The following CDH15 variants were observed in gnomAD, a reference collection of about 807,000 sequenced individuals.
CDH15 encodes the protein cadherin-15.
In CDH15, 73 loss-of-function variants were observed where a neutral mutation model predicts 69.4. The ratio of observed to expected loss-of-function variants is 1.05; its 90% confidence interval spans 0.87 to 1.28. The LOEUF (loss-of-function observed/expected upper bound fraction) is 1.28. Among genes scored for constraint, CDH15 ranks in the 50% most tolerant of loss-of-function variants. CDH15 has a pLI of 0.00. For synonymous variants in CDH15, 624 were observed against 507.7 expected, an observed-to-expected ratio of 1.23 and a Z score of -3.08; for missense variants, 1,343 against 1,133.6, an observed-to-expected ratio of 1.18 and a Z score of -2.65.
chr16:89,194,042 C>T, intron 13 of CDH15, 129 bp downstream of exon 13: 1 of 1,087,790 alleles, frequency 9.2e-7, no homozygotes, highest in Non-Finnish European at 1.3e-6. Context: ...TCCCAGAGCA[C>T]CGCAGAGGAA....
chr16:89,187,140 G>A (rs1915508773), intron 5 of CDH15, among the ~76,000 whole-genome samples: 1 of 151,738 alleles, frequency 6.6e-6, no homozygotes, highest in Non-Finnish European at 1.5e-5. Flanking sequence ...GTGCAGAGTA[G>A]GTGCTCTGTA....
At chr16:89,188,531 G>A (rs902523205) in intron 7 of CDH15, among the ~76,000 whole-genome samples, 5 of 90,308 alleles carry the variant, frequency 5.5e-5, no homozygotes, top group African/African-American at 4.1e-5. Context: ...CACAGATGCC[G>A]GCACACACAG....
Position 89,187,458 on chromosome 16 carries a change from G to A in CDH15, c.693G>A (p.Gln231=), listed in dbSNP as rs146051428. 4 of 1,613,398 alleles carry A rather than the reference G, an allele frequency of 2.5e-6. No homozygotes were observed. The highest frequency in any genetic ancestry group is 2.7e-5 in the African/African-American group (2 of 74,938). ...EVVAVYNLTL[Q]VADMSGDGLT... ...TCGCGGTGTACAATCTGACCCTGCA[G>A]GTGGCGGACATGTCTGGAGACGGCC... The change falls in exon 6 of 14, where the codon CAG becomes CAA. Residue 231 remains glutamine, a synonymous_variant. Transcript: ENST00000289746.
At chr16:89,186,472 G>C (rs1351835782) in intron 5 of CDH15, among the ~76,000 whole-genome samples, 29 of 94,784 alleles carry the variant, frequency 3.1e-4, no homozygotes, top group Admixed American at 7.3e-4. Flanking sequence ...GCTCTGTAAA[G>C]GCCCACCCAG....
At chr16:89,194,826 C>T (rs761499738) in intron 13 of CDH15, 36 bp from the exon 14 acceptor site, 2 of 1,575,536 alleles carry the variant, frequency 1.3e-6, no homozygotes, top group African/African-American at 1.3e-5. Flanking sequence ...CCGCTGGCCC[C>T]TCCATGTGTC....
In CDH15 at chr16:89,192,373, T is replaced by C. The variant is rs752749129; in HGVS notation, c.1784T>C (p.Leu595Pro). The C allele has an allele frequency of 1.3e-5, 20 of 1,538,430 alleles. No homozygotes were observed. Among genetic ancestry groups the C allele is most frequent in the Admixed American group, 1.2e-4 (6 of 51,394 alleles). The change falls in exon 11 of 14, where the codon CTG becomes CCG. Residue 595 changes from leucine to proline, a missense_variant. Transcript: ENST00000289746. ...DGVCLPGAAA[L>P]LAGGTGLSLG... ...GTCTGCCTGCCGGGGGCCGCAGCGC[T>C]GCTGGCGGGGGGCACAGGCCTCAGC...
chr16:89,195,120 G>A lies in CDH15; in HGVS notation c.2410G>A (p.Ala804Thr). 1 of 1,605,610 alleles carries A rather than the reference G, an allele frequency of 6.2e-7. No individual in the cohort carries two copies. Among genetic ancestry groups the A allele is most frequent in the Non-Finnish European group, 8.5e-7 (1 of 1,175,766 alleles). ...HQAREGLSPGALLPRHRGRTA is the reference protein window; with the variant it reads ...HQAREGLSPGTLLPRHRGRTA ...GGCCAGGGAGGGTCTTTCTCCTGGG[G>A]CACTGCTACCCAGACACAGAGGCCG... Residue 804 changes from alanine (A) to threonine (T), a missense_variant, in exon 14 of 14, where the codon GCA (alanine) becomes ACA (threonine). Transcript: ENST00000289746.
chr16:89,188,072 G>A lies in CDH15; in HGVS notation c.793-28G>A, dbSNP rs1267511230. The A allele has an allele frequency of 1.9e-6, 3 of 1,588,630 alleles. No homozygotes were observed. In the Admixed American group the frequency reaches 5.2e-5, roughly 28 times the overall value. On this transcript the variant is annotated intron_variant, in intron 6 of 13. Coordinates refer to ENST00000289746, the MANE Select transcript of CDH15 (RefSeq NM_004933.3). ...CCATGCTGTCCCCCCAGCCCTGCTGGTAACTGGGGCTGGGATCCCCCACCC... is the reference window on the plus strand; with the variant it reads ...CCATGCTGTCCCCCCAGCCCTGCTGATAACTGGGGCTGGGATCCCCCACCC...
chr16:89,189,364 C>T (rs933525643), intron 7 of CDH15, among the ~76,000 whole-genome samples: 13 of 151,984 alleles, frequency 8.6e-5, no homozygotes, highest in African/African-American at 2.9e-4. Context: ...TGCCGGCACA[C>T]ACAGATGCTG....
intron 5 of CDH15, 134 bp from the exon 6 acceptor site, chr16:89,187,295 C>T (rs1246990168): frequency 3.0e-6 from 3 of 991,814 alleles, no homozygotes; most frequent in Non-Finnish European, 4.6e-6. Flanking sequence ...CTCAGGGCCA[C>T]TTGGGGTCTT....
chr16:89,180,154 C>G (rs761408200), intron 2 of CDH15, 46 bp from the exon 3 acceptor site: 2 of 1,603,246 alleles, frequency 1.2e-6, no homozygotes, highest in Non-Finnish European at 1.7e-6. Flanking sequence ...AGGGCAGAGG[C>G]CCCCGCCCGG....
chr16:89,191,292 G>A, intron 8 of CDH15, 38 bp from the exon 9 acceptor site: 4 of 1,612,028 alleles, frequency 2.5e-6, no homozygotes, highest in Non-Finnish European at 2.5e-6. Context: ...GGGCCCTGGG[G>A]TAAACTCAGA....
At chr16:89,193,420 T>G in intron 11 of CDH15, 50 bp from the exon 12 acceptor site, 3 of 1,105,446 alleles carry the variant, frequency 2.7e-6, no homozygotes, top group Non-Finnish European at 2.4e-6. Flanking sequence ...CCCGGCCCCC[T>G]GAAGTCGCGC....
intron 8 of CDH15, among the ~76,000 whole-genome samples, chr16:89,191,106 ATG>A (rs1185428507): frequency 6.6e-6 from 1 of 150,992 alleles, no homozygotes; most frequent in African/African-American, 2.4e-5. Context: ...ATATATGTGC[ATG>A]TGTGTGTGCT....
At chr16:89,184,481 A>G (rs972724351) in intron 4 of CDH15, among the ~76,000 whole-genome samples, 5 of 152,122 alleles carry the variant, frequency 3.3e-5, no homozygotes, top group Non-Finnish European at 7.4e-5. Flanking sequence ...TGGTCCCTCT[A>G]GCGGCACCTT....
chr16:89,179,476 C>A lies in CDH15; in HGVS notation c.103C>A (p.Arg35Ser). 6.2e-7 allele frequency: 1 copy of A among 1,613,556 alleles called. No individual in the cohort carries two copies. The highest frequency in any genetic ancestry group is 1.3e-5 in the African/African-American group (1 of 75,064). Residue 35 changes from arginine to serine, a missense_variant, in exon 2 of 14, where the codon CGC (arginine) becomes AGC (serine). Coordinates refer to ENST00000289746, the MANE Select transcript of CDH15 (RefSeq NM_004933.3). Reference sequence around the variant, plus strand: ...GAGGCCCACCACCCTGTACCCCTGGCGCCGGGCGCCTGCCCTGAGCCGCGT... The same window carrying A: ...GAGGCCCACCACCCTGTACCCCTGGAGCCGGGCGCCTGCCCTGAGCCGCGT... ...WRRPTTLYPW[R>S]RAPALSRVRR...
intron 8 of CDH15, 131 bp from the exon 9 acceptor site, chr16:89,191,199 C>T: frequency 3.0e-6 from 3 of 994,792 alleles, no homozygotes; most frequent in South Asian, 1.3e-5. Flanking sequence ...ATGTTGTGTG[C>T]ATGTGTGCAT....
rs138294416 is a variant in CDH15, at chr16:89,178,729, G to A, written c.43-687G>A. ...AGTTGGGGGCCGCTGTATGAATTAC[G>A]GATACATCTCCAGCTGCTCTTGATG... On this transcript the variant is annotated intron_variant, in intron 1 of 13. Coordinates refer to ENST00000289746, the MANE Select transcript of CDH15 (RefSeq NM_004933.3). Among the ~76,000 whole-genome samples, 10 of 152,350 alleles carry A rather than the reference G, an allele frequency of 6.6e-5. No homozygotes were observed. In the Middle Eastern group the frequency reaches 0.01, roughly 155 times the overall value.
At chr16:89,184,897 A>G (rs1170146652) in intron 4 of CDH15, among the ~76,000 whole-genome samples, 1 of 152,162 alleles carries the variant, frequency 6.6e-6, no homozygotes, top group Admixed American at 6.5e-5. Context: ...CCGACCCCAT[A>G]AACAGCACAA....
Sources: allele counts gnomAD v4.1 joint callset (sites outside exome capture counted in the v4.1 genomes callset), GRCh38; gene constraint gnomAD v4.1.1; transcripts MANE v1.5; gene names NCBI Gene and HGNC (gene_info 2026-07-23, HGNC 2026-07-21).